The following RNF34 variants were observed in gnomAD, a reference collection of about 807,000 sequenced individuals.
The protein encoded by RNF34 is ring finger protein 34.
RNF34 carries 12 observed loss-of-function variants against 37.9 expected under a neutral mutation model. That is an observed-to-expected ratio of 0.32 (90% CI 0.20 to 0.51). RNF34 has a LOEUF of 0.51. RNF34 is among the 20% of genes least tolerant of loss of function. The probability of loss-of-function intolerance (pLI) is 0.97; values close to 1 mark genes in which losing one functional copy is unlikely to be tolerated. For synonymous variants in RNF34, 155 were observed against 177.2 expected, an observed-to-expected ratio of 0.87 and a Z score of 1.00; for missense variants, 362 against 472.7, an observed-to-expected ratio of 0.77 and a Z score of 2.17.
intron 3 of RNF34, 99 bp downstream of exon 3, chr12:121,418,010 A>G: frequency 7.8e-7 from 1 of 1,279,714 alleles, no homozygotes; most frequent in Admixed American, 2.2e-5. Context: ...ATAAACTTCA[A>G]GTCATGTGCT....
chr12:121,400,247 C>T, intron 1 of RNF34, 29 bp downstream of exon 1: 2 of 1,606,078 alleles, frequency 1.2e-6, no homozygotes, highest in Non-Finnish European at 1.7e-6. Flanking sequence ...CGGACAGACC[C>T]TCCTCGCCAA....
intron 1 of RNF34, among the ~76,000 whole-genome samples, chr12:121,407,914 C>A (rs782731813): frequency 2.1e-4 from 32 of 151,768 alleles, no homozygotes; most frequent in Non-Finnish European, 4.3e-4. Flanking sequence ...CATCCCTTGT[C>A]CCCCTCTCCA....
At chr12:121,418,089 G>A in intron 3 of RNF34, 178 bp downstream of exon 3, 2 of 667,092 alleles carry the variant, frequency 3.0e-6, no homozygotes, top group East Asian at 2.7e-5. Context: ...TGTCTGCTGA[G>A]GTGCTAGGTG....
At chr12:121,408,419 G>C (rs187484706) in intron 1 of RNF34, among the ~76,000 whole-genome samples, 77 of 152,036 alleles carry the variant, frequency 5.1e-4, no homozygotes, top group Admixed American at 1.6e-3. Flanking sequence ...TCCAGCCTGG[G>C]TAACAAGAGT....
chr12:121,419,994 A>T, intron 3 of RNF34: 1 of 388,660 alleles, frequency 2.6e-6, no homozygotes, highest in Non-Finnish European at 4.9e-6. Flanking sequence ...GAGAGTTAAT[A>T]CTCTGGTTAG....
At chr12:121,404,222 G>C (rs1264167639) in intron 1 of RNF34, among the ~76,000 whole-genome samples, 1 of 150,528 alleles carries the variant, frequency 6.6e-6, no homozygotes, top group Non-Finnish European at 1.5e-5. Flanking sequence ...GCCCAGGCTG[G>C]TCCCAAACTC....
intron 1 of RNF34, among the ~76,000 whole-genome samples, chr12:121,411,722 G>A (rs1555281383): frequency 6.6e-6 from 1 of 152,182 alleles, no homozygotes; most frequent in Non-Finnish European, 1.5e-5. Context: ...TACCATGGTG[G>A]AAAGAGGAGC....
At chr12:121,414,240 C>T (rs1233788362) in intron 1 of RNF34, among the ~76,000 whole-genome samples, 2 of 152,204 alleles carry the variant, frequency 1.3e-5, no homozygotes, top group South Asian at 4.1e-4. Flanking sequence ...TTAACTAATA[C>T]CTCAGCTATC....
At chr12:121,407,088 C>A (rs1264560391) in intron 1 of RNF34, among the ~76,000 whole-genome samples, 1 of 152,050 alleles carries the variant, frequency 6.6e-6, no homozygotes, top group Non-Finnish European at 1.5e-5. Flanking sequence ...CCCCTCCCCC[C>A]AGATTATTGT....
At position 121,416,145 on chromosome 12, in the gene RNF34, G is replaced by A; in HGVS notation, c.7-14G>A. 1 of 1,609,976 alleles carries A rather than the reference G, an allele frequency of 6.2e-7. No individual in the cohort carries two copies. Among genetic ancestry groups the A allele is most frequent in the Non-Finnish European group, 8.5e-7 (1 of 1,176,654 alleles). Reference sequence around the variant, plus strand: ...CACTTAGCTTTAAACTGTGGGATTTGTGTTCCTTTTTAGGCGGGTGCCACG... The same window carrying A: ...CACTTAGCTTTAAACTGTGGGATTTATGTTCCTTTTTAGGCGGGTGCCACG... On this transcript the variant is annotated splice_polypyrimidine_tract_variant and intron_variant, in intron 1 of 5. Transcript: ENST00000361234.
intron 3 of RNF34, among the ~76,000 whole-genome samples, chr12:121,419,243 C>T (rs567955868): frequency 7.2e-4 from 109 of 152,298 alleles, no homozygotes; most frequent in Non-Finnish European, 1.2e-3. Context: ...AGTACACTAA[C>T]GTGATGTACG....
At chr12:121,416,071 T>C in intron 1 of RNF34, 88 bp from the exon 2 acceptor site, 2 of 1,062,220 alleles carry the variant, frequency 1.9e-6, no homozygotes, top group Non-Finnish European at 2.9e-6. Flanking sequence ...GAGGGCAAAC[T>C]TACCTCTCCA....
intron 5 of RNF34, among the ~76,000 whole-genome samples, chr12:121,422,670 G>A (rs1462851304): frequency 1.3e-5 from 2 of 152,202 alleles, no homozygotes; most frequent in African/African-American, 4.8e-5. Flanking sequence ...CCTCTGACCT[G>A]TAGAAAGGGA....
chr12:121,420,828 T>C, intron 5 of RNF34, 50 bp downstream of exon 5: 1 of 1,411,210 alleles, frequency 7.1e-7, no homozygotes, highest in South Asian at 1.2e-5. Flanking sequence ...CTTAGGCTTT[T>C]AAAAACTGGG....
chr12:121,407,942 C>G (rs1870707151), intron 1 of RNF34, among the ~76,000 whole-genome samples: 1 of 151,994 alleles, frequency 6.6e-6, no homozygotes, highest in African/African-American at 2.4e-5. Context: ...AGCTCAGATT[C>G]AATAAACCCT....
Position 121,423,396 on chromosome 12 carries a change from G to A in RNF34, c.939G>A (p.Arg313=). 4 of 1,605,838 alleles carry A rather than the reference G, an allele frequency of 2.5e-6. No homozygotes were observed. The highest frequency in any genetic ancestry group is 3.4e-6 in the Non-Finnish European group (4 of 1,174,968). Residue 313 remains arginine (R), a synonymous_variant, in exon 6 of 6, where the codon CGG becomes CGA. Coordinates refer to ENST00000361234, the MANE Select transcript of RNF34 (RefSeq NM_025126.4). The surrounding 1 kb of genome is among the most constrained non-coding windows in gnomAD (Gnocchi z 4.3). ...NEENQKSYGE[R]LQLQDEEDDS... is the part of the protein sequence containing the mutation. ...TCTGTTGCCTTTCAGATGGCGAGCG[G>A]CTGCAGCTGCAGGATGAGGAAGACG...
chr12:121,416,146 T>C lies in RNF34; in HGVS notation c.7-13T>C. The C allele has an allele frequency of 2.5e-6, 4 of 1,610,228 alleles. No homozygotes were observed. Among genetic ancestry groups the C allele is most frequent in the Non-Finnish European group, 3.4e-6 (4 of 1,176,874 alleles). On this transcript the variant is annotated splice_polypyrimidine_tract_variant and intron_variant, in intron 1 of 5. Coordinates refer to ENST00000361234, the MANE Select transcript of RNF34 (RefSeq NM_025126.4). ...ACTTAGCTTTAAACTGTGGGATTTG[T>C]GTTCCTTTTTAGGCGGGTGCCACGT...
chr12:121,418,338 T>A (rs1482625657), intron 3 of RNF34: 1 of 162,026 alleles, frequency 6.2e-6, no homozygotes, highest in African/African-American at 2.4e-5. Flanking sequence ...TTGTTCTAAT[T>A]TAGTTAATGA....
intron 1 of RNF34, among the ~76,000 whole-genome samples, chr12:121,401,759 C>T (rs899466002): frequency 1.6e-4 from 25 of 152,130 alleles, no homozygotes; most frequent in Admixed American, 2.0e-4. Flanking sequence ...TGAAAACAGA[C>T]GTGTGTTTTG....
Sources: allele counts gnomAD v4.1 joint callset (sites outside exome capture counted in the v4.1 genomes callset), GRCh38; gene constraint gnomAD v4.1.1; non-coding constraint Gnocchi (gnomAD v3.1); transcripts MANE v1.5; gene names NCBI Gene and HGNC (gene_info 2026-07-23, HGNC 2026-07-21).